Variants in HHAT observed in about 807,000 individuals in gnomAD.
The protein encoded by HHAT is hedgehog acyltransferase.
Under a neutral mutation model 70.8 loss-of-function variants are expected in HHAT, and 47 were observed. The ratio of observed to expected loss-of-function variants is 0.66; its 90% CI spans 0.53 to 0.85. The LOEUF (loss-of-function observed/expected upper bound fraction) is 0.85, where lower values mean the gene tolerates loss of function less well. HHAT is among the 40% of genes least tolerant of loss of function. The pLI is 0.00. For synonymous variants in HHAT, 228 were observed against 247.6 expected, an observed-to-expected ratio of 0.92 and a Z score of 0.74; for missense variants, 609 against 604.8, an observed-to-expected ratio of 1.01 and a Z score of -0.07.
intron 3 of HHAT, among the ~76,000 whole-genome samples, chr1:210,365,869 G>A (rs2357583): frequency 0.27 from 41,682 of 151,646 alleles, 7,555 homozygotes; most frequent in African/African-American, 0.52. Context: ...ACCTGCCTCA[G>A]CCTCTCAAAG....
chr1:210,607,203 T>G (rs4245754), intron 10 of HHAT, among the ~76,000 whole-genome samples: 13 of 151,964 alleles, frequency 8.6e-5, no homozygotes, highest in Non-Finnish European at 1.5e-4. Flanking sequence ...TTCATCTCTT[T>G]AGCATCTAGT....
chr1:210,380,847 T>TG (rs990753509), intron 3 of HHAT, among the ~76,000 whole-genome samples: 1 of 146,302 alleles, frequency 6.8e-6, no homozygotes, highest in African/African-American at 2.4e-5. Context: ...TGTGGGATGG[T>TG]GGGGGCAGTG....
chr1:210,573,096 C>A (rs1195681019), intron 9 of HHAT, among the ~76,000 whole-genome samples: 4 of 152,206 alleles, frequency 2.6e-5, no homozygotes, highest in Non-Finnish European at 5.9e-5. Context: ...TAGCAAACAG[C>A]ACACTATTGT....
chr1:210,358,244 A>G (rs918150852), intron 2 of HHAT, among the ~76,000 whole-genome samples: 3 of 152,156 alleles, frequency 2.0e-5, no homozygotes, highest in African/African-American at 7.2e-5. Context: ...GGGTGCTTCT[A>G]CTTCTCCCAG....
At chr1:210,389,287 C>T (rs1477647055) in intron 4 of HHAT, among the ~76,000 whole-genome samples, 3 of 152,160 alleles carry the variant, frequency 2.0e-5, no homozygotes, top group Non-Finnish European at 4.4e-5. Flanking sequence ...CTGGTGAGGG[C>T]CTTCTTGCTG....
At chr1:210,521,286 G>C (rs1466370266) in intron 9 of HHAT, among the ~76,000 whole-genome samples, 1 of 152,156 alleles carries the variant, frequency 6.6e-6, no homozygotes, top group Non-Finnish European at 1.5e-5. Flanking sequence ...GGTTGGTGCA[G>C]GTTTTCCATG....
chr1:210,528,389 T>C (rs1434186070), intron 9 of HHAT, among the ~76,000 whole-genome samples: 2 of 152,326 alleles, frequency 1.3e-5, no homozygotes, highest in African/African-American at 4.8e-5. Context: ...GTGAGGCTGG[T>C]AGATTGTCCA....
intron 1 of HHAT, among the ~76,000 whole-genome samples, chr1:210,330,178 T>C (rs1169675376): frequency 6.6e-6 from 1 of 152,206 alleles, no homozygotes; most frequent in Non-Finnish European, 1.5e-5. Context: ...ATGATTTTTT[T>C]CCCCTTCCAT....
chr1:210,557,023 C>T (rs1474525748), intron 9 of HHAT, among the ~76,000 whole-genome samples: 1 of 152,144 alleles, frequency 6.6e-6, no homozygotes, highest in East Asian at 1.9e-4. Context: ...CTGATTGTCA[C>T]CCACACTCAC....
intron 9 of HHAT, among the ~76,000 whole-genome samples, chr1:210,524,836 T>C (rs575988983): frequency 3.3e-4 from 50 of 152,220 alleles, no homozygotes; most frequent in African/African-American, 1.2e-3. Context: ...AGCTTCTCTG[T>C]GTTGAGCAAC....
chr1:210,618,673 C>T (rs1668238660), intron 10 of HHAT, among the ~76,000 whole-genome samples: 1 of 152,134 alleles, frequency 6.6e-6, no homozygotes, highest in South Asian at 2.1e-4. Context: ...CCCACAGCCT[C>T]CAGCCCGACT....
chr1:210,471,160 G>A lies in HHAT; in HGVS notation c.1007+6505G>A, dbSNP rs73075591. Among the ~76,000 whole-genome samples, 264 of 152,242 alleles carry A rather than the reference G, an allele frequency of 1.7e-3. 1 individual carries two copies. Among genetic ancestry groups the A allele is most frequent in the African/African-American group, 6.1e-3 (252 of 41,562 alleles). ...AAGTATTTAGGTCTGGCAGCTGAGC[G>A]GCTTCTCTCTGCAGCATGTGGTGAC... On this transcript the variant is annotated intron_variant, in intron 8 of 11. Transcript: ENST00000261458.
In HHAT at chr1:210,464,485, C is replaced by G; in HGVS notation, c.857-20C>G. The G allele has an allele frequency of 6.2e-7, 1 of 1,614,020 alleles. No individual in the cohort carries two copies. The highest frequency in any genetic ancestry group is 8.5e-7 in the Non-Finnish European group (1 of 1,179,856). ...CTGTGATTCTCTTCCATGTGTCTGA[C>G]TGGTCTGTTTGCCTTTCAGGAGGAC... On this transcript the variant is annotated intron_variant, in intron 7 of 11. Transcript: ENST00000261458.
Position 210,394,229 on chromosome 1 carries a change from C to CTTTTTTTTTT in HHAT, c.274-6213_274-6204dup, listed in dbSNP as rs59554789. The stretch of plus-strand genomic sequence containing the variant: ...TTTTATTTTCAAAAGCATGATCTAT[C>CTTTTTTTTTT]TTTTTTTTTTTTTTTTTTTTTTTTT... On this transcript the variant is annotated intron_variant, in intron 4 of 11. Coordinates refer to ENST00000261458, the MANE Select transcript of HHAT (RefSeq NM_018194.6). Among the ~76,000 whole-genome samples the CTTTTTTTTTT allele has an allele frequency of 1.8e-3, 207 of 116,220 alleles. 8 individuals are homozygous for CTTTTTTTTTT. Among genetic ancestry groups the CTTTTTTTTTT allele is most frequent in the Non-Finnish European group, 2.9e-3 (161 of 55,160 alleles). The allele number at this position is 116,220 out of a possible 152,430, so 76.2% of individuals were successfully genotyped here. A position where few individuals can be genotyped will look rare whatever the true frequency, so the allele number is the denominator to read the frequency against.
At chr1:210,517,315 T>C (rs897230461) in intron 9 of HHAT, among the ~76,000 whole-genome samples, 17 of 152,302 alleles carry the variant, frequency 1.1e-4, no homozygotes, top group Admixed American at 8.5e-4. Context: ...TGAATAGATA[T>C]GGGGTTTTGC....
intron 11 of HHAT, among the ~76,000 whole-genome samples, chr1:210,624,925 T>C (rs1208523002): frequency 6.6e-6 from 1 of 152,198 alleles, no homozygotes; most frequent in Non-Finnish European, 1.5e-5. Context: ...AGCTGGCCCA[T>C]TATCTCCACA....
At chr1:210,618,294 C>G (rs1461274576) in intron 10 of HHAT, among the ~76,000 whole-genome samples, 1 of 152,160 alleles carries the variant, frequency 6.6e-6, no homozygotes, top group Non-Finnish European at 1.5e-5. Flanking sequence ...CTTGTTGTCC[C>G]TGGCCTCATC....
At chr1:210,456,914 C>G (rs1476277711) in intron 7 of HHAT, among the ~76,000 whole-genome samples, 1 of 152,200 alleles carries the variant, frequency 6.6e-6, no homozygotes, top group East Asian at 1.9e-4. Flanking sequence ...TCCTTCTGGG[C>G]TGTAGCACTT....
chr1:210,421,300 T>TA (rs1331122912), intron 7 of HHAT, among the ~76,000 whole-genome samples: 1 of 152,076 alleles, frequency 6.6e-6, no homozygotes, highest in African/African-American at 2.4e-5. Context: ...TAGATCAATA[T>TA]AAAAAAATAG....
Sources: allele counts gnomAD v4.1 joint callset (sites outside exome capture counted in the v4.1 genomes callset), GRCh38; gene constraint gnomAD v4.1.1; transcripts MANE v1.5; gene names NCBI Gene and HGNC (gene_info 2026-07-23, HGNC 2026-07-21).